The following NBEA variants were observed in gnomAD, a reference collection of about 807,000 sequenced individuals.
NBEA encodes neurobeachin, also known as lysosomal-trafficking regulator 2.
NBEA carries 44 observed loss-of-function variants against 343.4 expected under a neutral mutation model. The ratio of observed to expected loss-of-function variants is 0.13; its 90% CI spans 0.10 to 0.16. NBEA has a LOEUF of 0.16. NBEA is among the 10% of genes least tolerant of loss of function. The probability of loss-of-function intolerance (pLI) is 1.00; values close to 1 mark genes in which losing one functional copy is unlikely to be tolerated. For synonymous variants in NBEA, 1,175 were observed against 1,238.7 expected (o/e 0.95, Z 1.08); for missense variants, 2,555 against 3,631.3 (o/e 0.70, Z 7.62).
At chr13:35,363,450 T>G (rs2040925419) in intron 38 of NBEA, among the ~76,000 whole-genome samples, 2 of 151,982 alleles carry the variant, frequency 1.3e-5, no homozygotes, top group Middle Eastern at 6.8e-3. Flanking sequence ...TATATTACCT[T>G]CCTAGCCTTG....
chr13:35,402,552 C>T (rs1369356178), intron 38 of NBEA, among the ~76,000 whole-genome samples: 2 of 152,032 alleles, frequency 1.3e-5, no homozygotes, highest in East Asian at 3.8e-4. Flanking sequence ...GGAAAAGAAC[C>T]GAACCACACA....
At chr13:35,585,477 C>T (rs1368513891) in intron 46 of NBEA, among the ~76,000 whole-genome samples, 2 of 152,106 alleles carry the variant, frequency 1.3e-5, no homozygotes, top group Non-Finnish European at 2.9e-5. Flanking sequence ...TGCCTCCTGT[C>T]ATCCTAACTG....
Position 35,208,778 on chromosome 13 carries a change from T to A in NBEA, c.5445T>A (p.Ser1815Arg). Residue 1815 changes from serine to arginine, a missense_variant, in exon 32 of 59, where the codon AGT (serine) becomes AGA (arginine). Ser to Arg is a moderately radical substitution (Grantham distance 110, BLOSUM62 -1). Around this residue, in one of 21 missense-constraint regions of NBEA, gnomAD observed 270 missense variants for 293.3 expected, o/e 0.92. Coordinates refer to ENST00000379939, the MANE Select transcript of NBEA (RefSeq NM_001385012.1). ...VTTVGATTAG[S>R]GLPTGSTSNI... ...CTGTGGGAGCCACTACTGCTGGAAG[T>A]GGGCTGCCAACAGGCAGTACCTCTA... The A allele has an allele frequency of 6.2e-7, 1 of 1,611,522 alleles. No individual in the cohort carries two copies. Among genetic ancestry groups the A allele is most frequent in the Non-Finnish European group, 8.5e-7 (1 of 1,178,514 alleles).
chr13:35,596,251 G>A (rs2081798190), intron 47 of NBEA, among the ~76,000 whole-genome samples: 1 of 152,064 alleles, frequency 6.6e-6, no homozygotes, highest in East Asian at 1.9e-4. Context: ...AGAATCTTCT[G>A]AATTCATGAT....
chr13:35,476,975 C>G lies in NBEA; in HGVS notation c.6585+4439C>G, dbSNP rs752477614. Reference sequence around the variant, plus strand: ...TTGGCAAAGCGGCTCTCTTCTGTGCCGAAAACCTGCTTGTCTTTTACCGCT... The same window carrying G: ...TTGGCAAAGCGGCTCTCTTCTGTGCGGAAAACCTGCTTGTCTTTTACCGCT... On this transcript the variant is annotated intron_variant, in intron 41 of 58. Coordinates refer to ENST00000379939, the MANE Select transcript of NBEA (RefSeq NM_001385012.1). 1.3e-4 allele frequency: 30 copies of G among 222,712 alleles called. 1 individual carries two copies. The highest frequency in any genetic ancestry group is 2.5e-4 in the Non-Finnish European group (30 of 119,102). The allele number at this position is 222,712 out of a possible 1,614,324, so 13.8% of individuals were successfully genotyped here.
chr13:35,399,156 A>T (rs1440685501), intron 38 of NBEA, among the ~76,000 whole-genome samples: 2 of 152,144 alleles, frequency 1.3e-5, no homozygotes, highest in African/African-American at 4.8e-5. Flanking sequence ...TTGAAGAGAT[A>T]GGGCTTTGCT....
intron 44 of NBEA, among the ~76,000 whole-genome samples, chr13:35,565,245 G>A (rs2080077411): frequency 6.6e-6 from 1 of 152,172 alleles, no homozygotes; most frequent in Non-Finnish European, 1.5e-5. Flanking sequence ...GCAATATGCA[G>A]TTTAGTTGTA....
chr13:35,361,794 A>C (rs1008000476), intron 38 of NBEA, among the ~76,000 whole-genome samples: 1 of 152,032 alleles, frequency 6.6e-6, no homozygotes, highest in African/African-American at 2.4e-5. Context: ...AACAATGAGA[A>C]ACAAATATTG....
chr13:35,018,947 T>A (rs1008324531), intron 1 of NBEA, among the ~76,000 whole-genome samples: 2 of 152,136 alleles, frequency 1.3e-5, no homozygotes, highest in African/African-American at 4.8e-5. Flanking sequence ...AGAGCTTTTA[T>A]AATGAATATT....
intron 19 of NBEA, 88 bp from the exon 20 acceptor site, chr13:35,155,995 T>TAAG: frequency 6.8e-7 from 1 of 1,462,914 alleles, no homozygotes; most frequent in South Asian, 1.3e-5. Context: ...TTTATAGTGT[T>TAAG]AAGTATTTAT....
chr13:35,366,667 C>G (rs1594369079), intron 38 of NBEA, among the ~76,000 whole-genome samples: 1 of 149,004 alleles, frequency 6.7e-6, no homozygotes, highest in East Asian at 1.9e-4. Flanking sequence ...CAGTACGTTC[C>G]TCTTTCCCCC....
chr13:34,995,693 C>T (rs1265864879), intron 1 of NBEA, among the ~76,000 whole-genome samples: 2 of 152,128 alleles, frequency 1.3e-5, no homozygotes, highest in African/African-American at 4.8e-5. Context: ...TTGACTGAAG[C>T]TCAGATGCTG....
In NBEA at chr13:35,083,924, A is replaced by G. The variant is rs562216686; in HGVS notation, c.1571+13072A>G. Among the ~76,000 whole-genome samples the G allele has an allele frequency of 9.2e-5, 14 of 152,278 alleles. No homozygotes were observed. In the South Asian group the frequency reaches 2.3e-3, roughly 25 times the overall value. ...AAAACAAAAAAAGGCGGAGATTGTG[A>G]TCCTAGTCTCTGATAAAACAGATTT... On this transcript the variant is annotated intron_variant, in intron 10 of 58. Transcript: ENST00000379939.
intron 41 of NBEA, among the ~76,000 whole-genome samples, chr13:35,503,430 T>G (rs1041282696): frequency 6.6e-6 from 1 of 151,860 alleles, no homozygotes; most frequent in Non-Finnish European, 1.5e-5. Context: ...TATGAACATA[T>G]TTCTATATCA....
intron 1 of NBEA, among the ~76,000 whole-genome samples, chr13:35,021,488 A>C (rs1235332885): frequency 1.3e-5 from 2 of 152,162 alleles, no homozygotes; most frequent in African/African-American, 4.8e-5. Flanking sequence ...CAATTCTGGC[A>C]GTTATCATTG....
Position 35,492,459 on chromosome 13 carries a change from A to G in NBEA, c.6585+19923A>G, listed in dbSNP as rs368144525. ...TATTTAGGGCATAGAGAAAGAAGCC[A>G]TAGAGGAGAGGTTAAAGTTAAAATG... On this transcript the variant is annotated intron_variant, in intron 41 of 58. Transcript: ENST00000379939. 3.3e-5 allele frequency among the ~76,000 whole-genome samples: 5 copies of G among 152,118 alleles called. No individual in the cohort carries two copies. In the South Asian group the frequency reaches 6.2e-4, roughly 19 times the overall value.
At chr13:35,232,885 A>G (rs1041286285) in intron 34 of NBEA, among the ~76,000 whole-genome samples, 9 of 152,090 alleles carry the variant, frequency 5.9e-5, no homozygotes, top group East Asian at 1.9e-4. Context: ...TAATCCATCT[A>G]TCAGGGCTGA....
intron 32 of NBEA, among the ~76,000 whole-genome samples, chr13:35,210,346 T>G (rs2073688033): frequency 1.3e-5 from 2 of 152,044 alleles, no homozygotes; most frequent in Admixed American, 1.3e-4. Context: ...GGGCATACTG[T>G]TCATTTCAAA....
At chr13:35,449,063 C>G (rs1309102530) in intron 39 of NBEA, among the ~76,000 whole-genome samples, 1 of 152,128 alleles carries the variant, frequency 6.6e-6, no homozygotes, top group Non-Finnish European at 1.5e-5. Flanking sequence ...GAAAGCATGA[C>G]ATATTTTGGA....
Sources: allele counts gnomAD v4.1 joint callset (sites outside exome capture counted in the v4.1 genomes callset), GRCh38; gene constraint gnomAD v4.1.1; regional missense constraint gnomAD v4.1.1; transcripts MANE v1.5; gene names NCBI Gene and HGNC (gene_info 2026-07-23, HGNC 2026-07-21).